APPBP2: variants seen among roughly 807,000 people sequenced by gnomAD.
APPBP2 encodes the protein amyloid protein-binding protein 2.
A neutral mutation model predicts 76.0 loss-of-function variants in APPBP2; 15 were observed. The observed-to-expected ratio is 0.20, with a 90% CI of 0.13 to 0.30. The LOEUF is 0.30. APPBP2 is among the 10% of genes least tolerant of loss of function. The pLI is 1.00. For synonymous variants in APPBP2, 222 were observed against 242.2 expected (o/e 0.92, Z 0.77); for missense variants, 401 against 687.2 (o/e 0.58, Z 4.66).
At chr17:60,489,645 T>G (rs1370557736) in intron 3 of APPBP2, among the ~76,000 whole-genome samples, 3 of 147,006 alleles carry the variant, frequency 2.0e-5, no homozygotes, top group Non-Finnish European at 1.5e-5. Context: ...TAAAAATGAC[T>G]GTTAAAAGTT....
chr17:60,447,779 G>A lies in APPBP2; in HGVS notation c.1560C>T (p.Leu520=), dbSNP rs772277834. 5 of 1,613,556 alleles carry A rather than the reference G, an allele frequency of 3.1e-6. No homozygotes were observed. The highest frequency in any genetic ancestry group is 4.2e-6 in the Non-Finnish European group (5 of 1,179,928). The change falls in exon 13 of 13, where the codon CTC becomes CTT. Residue 520 remains leucine, a synonymous_variant. Coordinates refer to ENST00000083182, the MANE Select transcript of APPBP2 (RefSeq NM_006380.5). The part of the protein sequence containing the change: ...YSGLEYDYRG[L]IKLYNSIGNY... Reference sequence around the variant, plus strand: ...TTCCAATGGAGTTGTAAAGTTTAATGAGACCTCGATAATCATATTCTAGTC... The same window carrying A: ...TTCCAATGGAGTTGTAAAGTTTAATAAGACCTCGATAATCATATTCTAGTC...
chr17:60,494,386 G>A, intron 3 of APPBP2, 80 bp downstream of exon 3: 1 of 1,508,526 alleles, frequency 6.6e-7, no homozygotes. Flanking sequence ...CTTTGGGAAA[G>A]CCCTGGAAGA....
intron 4 of APPBP2, chr17:60,477,544 T>C (rs2090599576): frequency 6.6e-6 from 1 of 151,852 alleles, no homozygotes; most frequent in Non-Finnish European, 1.5e-5. Context: ...GGGAAAAAAA[T>C]GAGAGATTAT....
chr17:60,525,740 G>GTGCGGCCCCCGGGGT (rs2091048263), intron 1 of APPBP2, 54 bp downstream of exon 1: 3 of 1,609,098 alleles, frequency 1.9e-6, no homozygotes, highest in South Asian at 1.1e-5. Context: ...GTGGAAGGGG[G>GTGCGGCCCCCGGGGT]TGCGGCCCCC....
chr17:60,516,884 C>T (rs989371701), intron 1 of APPBP2, among the ~76,000 whole-genome samples: 4 of 152,152 alleles, frequency 2.6e-5, no homozygotes, highest in African/African-American at 4.8e-5. Flanking sequence ...AACAGTACTT[C>T]TCTGAAGACA....
intron 1 of APPBP2, among the ~76,000 whole-genome samples, chr17:60,509,897 G>A (rs1407968907): frequency 6.6e-6 from 1 of 152,150 alleles, no homozygotes; most frequent in Non-Finnish European, 1.5e-5. Flanking sequence ...AACAGATTCA[G>A]TAACAAGACT....
rs1317073746 is a variant in APPBP2 at position 60,526,169 on chromosome 17, G to A, written c.-238C>T. ...AACAGCGGCCAGCCAGGCCAAAAGC[G>A]TCACAATCCCGGTTCGAGAGGAACC... On this transcript the variant is annotated 5_prime_UTR_variant, in exon 1 of 13. It adds an upstream start codon to the 5' untranslated region. Transcript: ENST00000083182. 1 of 525,854 alleles carries A rather than the reference G, an allele frequency of 1.9e-6. No homozygotes were observed. The highest frequency in any genetic ancestry group is 3.4e-5 in the East Asian group (1 of 29,388). 32.6% of individuals were successfully genotyped at this position (525,854 alleles called of 1,614,324 possible).
chr17:60,510,559 C>CA (rs551477545), intron 1 of APPBP2, among the ~76,000 whole-genome samples: 9,134 of 135,426 alleles, frequency 0.067, 350 homozygotes, highest in East Asian at 0.12. Context: ...CCCATCACTA[C>CA]AAAAAAAAAA....
rs2090612130 is a variant in APPBP2, at chr17:60,479,193, T to C, written c.458A>G (p.His153Arg). The part of the protein sequence containing the change: ...FLSCLQLCTL[H>R]DEMLHWFRAV... ...ACGAAACCAATGAAGCATCTCATCGTGTAGAGTACACAACTGAAGGCAGGA... is the reference window on the plus strand; with the variant it reads ...ACGAAACCAATGAAGCATCTCATCGCGTAGAGTACACAACTGAAGGCAGGA... Residue 153 changes from histidine to arginine, a missense_variant, in exon 4 of 13, where the codon CAC (histidine) becomes CGC (arginine). Transcript: ENST00000083182. The C allele has an allele frequency of 6.2e-7, 1 of 1,613,894 alleles. No individual in the cohort carries two copies. Among genetic ancestry groups the C allele is most frequent in the South Asian group, 1.1e-5 (1 of 91,050 alleles).
chr17:60,506,100 C>G (rs189364070), intron 1 of APPBP2, among the ~76,000 whole-genome samples: 1 of 151,948 alleles, frequency 6.6e-6, no homozygotes, highest in African/African-American at 2.4e-5. Flanking sequence ...AGCAATGCAC[C>G]CACCTCAGCC....
At chr17:60,500,367 T>C in intron 2 of APPBP2, 32 bp downstream of exon 2, 2 of 1,391,092 alleles carry the variant, frequency 1.4e-6, no homozygotes, top group Non-Finnish European at 2.0e-6. Flanking sequence ...TTATGTTATG[T>C]ATATTTTACA....
Position 60,444,400 on chromosome 17 carries a change from T to C in APPBP2, c.*3181A>G, listed in dbSNP as rs1267891068. The C allele has an allele frequency of 6.6e-6, 1 of 152,204 alleles. No individual in the cohort carries two copies. The highest frequency in any genetic ancestry group is 1.9e-4 in the East Asian group (1 of 5,198). 9.4% of individuals were successfully genotyped at this position (152,204 alleles called of 1,614,324 possible). On this transcript the variant is annotated 3_prime_UTR_variant, in exon 13 of 13. Coordinates refer to ENST00000083182, the MANE Select transcript of APPBP2 (RefSeq NM_006380.5). Reference sequence around the variant, plus strand: ...CAAAGGCTTCAATCATGTTTTGGCATGTGTTCACTGCAGTTTTCTGTCTGC... The same window carrying C: ...CAAAGGCTTCAATCATGTTTTGGCACGTGTTCACTGCAGTTTTCTGTCTGC...
At chr17:60,488,312 C>T (rs1462308487) in intron 3 of APPBP2, among the ~76,000 whole-genome samples, 2 of 152,122 alleles carry the variant, frequency 1.3e-5, no homozygotes, top group Non-Finnish European at 2.9e-5. Context: ...TCAGCTATGC[C>T]CTGACCCCAG....
chr17:60,500,959 C>A (rs1273628728), intron 1 of APPBP2, among the ~76,000 whole-genome samples: 2 of 152,138 alleles, frequency 1.3e-5, no homozygotes, highest in Non-Finnish European at 1.5e-5. Context: ...TACAGGATGG[C>A]AGGATTTCTA....
At position 60,526,049 on chromosome 17, in the gene APPBP2, GC is replaced by G; in HGVS notation, c.-119del. 9.5e-7 allele frequency: 1 copy of G among 1,054,986 alleles called. No homozygotes were observed. Among genetic ancestry groups the G allele is most frequent in the East Asian group, 2.7e-5 (1 of 37,398 alleles). 65.4% of individuals were successfully genotyped at this position (1,054,986 alleles called of 1,614,324 possible). On this transcript the variant is annotated 5_prime_UTR_variant, in exon 1 of 13. Coordinates refer to ENST00000083182, the MANE Select transcript of APPBP2 (RefSeq NM_006380.5). ...CGGAGGGGCGGTGGCAGCCACGCGG[GC>G]GCACGGCAGAAGGCACGGCCGCCCT...
intron 1 of APPBP2, among the ~76,000 whole-genome samples, chr17:60,506,074 C>G (rs994554563): frequency 6.6e-6 from 1 of 151,722 alleles, no homozygotes; most frequent in Non-Finnish European, 1.5e-5. Context: ...GAGCCTCAAT[C>G]TCCTTCCTGG....
At chr17:60,466,170 C>T (rs1310550316) in intron 5 of APPBP2, 121 bp downstream of exon 5, 2 of 966,666 alleles carry the variant, frequency 2.1e-6, no homozygotes, top group Non-Finnish European at 3.0e-6. Context: ...ATGTGTACTG[C>T]CTTATATAAA....
intron 1 of APPBP2, among the ~76,000 whole-genome samples, chr17:60,524,800 C>T (rs934590326): frequency 6.6e-6 from 1 of 152,304 alleles, no homozygotes; most frequent in Middle Eastern, 3.4e-3. Flanking sequence ...AAATTACATT[C>T]TACTTTTAGT....
chr17:60,455,195 T>C (rs2090423105), intron 10 of APPBP2, among the ~76,000 whole-genome samples: 5 of 152,018 alleles, frequency 3.3e-5, no homozygotes, highest in Admixed American at 2.6e-4. Context: ...AAAGGATATA[T>C]GTAGAGACAT....
Sources: allele counts gnomAD v4.1 joint callset (sites outside exome capture counted in the v4.1 genomes callset), GRCh38; gene constraint gnomAD v4.1.1; transcripts MANE v1.5; gene names NCBI Gene and HGNC (gene_info 2026-07-23, HGNC 2026-07-21).